AKAP19: variants seen among roughly 807,000 people sequenced by gnomAD.
The protein encoded by AKAP19 is A-kinase anchoring protein 19, also known as small A-kinase anchoring protein.
At chr2:190,109,734 AG>A in the AKAP19 span, among the ~76,000 whole-genome samples, 1 of 152,216 alleles carries the variant, frequency 6.6e-6, no homozygotes, top group Non-Finnish European at 1.5e-5. Flanking sequence ...TCCTTAAAAT[AG>A]TACTGTCCAT....
the AKAP19 span, among the ~76,000 whole-genome samples, chr2:190,160,454 G>GA: frequency 1.9e-4 from 29 of 152,098 alleles, 1 homozygote; most frequent in African/African-American, 6.5e-4. Flanking sequence ...TTGTTCTTAT[G>GA]AAAATTGCAT....
At chr2:189,895,116 G>T in the AKAP19 span, among the ~76,000 whole-genome samples, 1 of 151,964 alleles carries the variant, frequency 6.6e-6, no homozygotes, top group Non-Finnish European at 1.5e-5. Context: ...AATAAAATTA[G>T]ATCACAACCA....
the AKAP19 span, among the ~76,000 whole-genome samples, chr2:190,020,105 T>C: frequency 1.3e-5 from 2 of 152,228 alleles, no homozygotes; most frequent in East Asian, 3.8e-4. Flanking sequence ...TCTCACTCTA[T>C]GTCGACTGTT....
the AKAP19 span, among the ~76,000 whole-genome samples, chr2:189,965,484 C>A: frequency 6.6e-6 from 1 of 151,746 alleles, no homozygotes; most frequent in Non-Finnish European, 1.5e-5. Context: ...AAAAATGGAC[C>A]AAGTACATGA....
chr2:190,119,915 T>C, the AKAP19 span, among the ~76,000 whole-genome samples: 1 of 152,240 alleles, frequency 6.6e-6, no homozygotes, highest in Non-Finnish European at 1.5e-5. Flanking sequence ...ACTGAGGGAA[T>C]GTTGACATTG....
chr2:190,133,889 A>G, the AKAP19 span, among the ~76,000 whole-genome samples: 1 of 152,206 alleles, frequency 6.6e-6, no homozygotes, highest in South Asian at 2.1e-4. Context: ...AATTTCGGTT[A>G]TGAGAAATAA....
At chr2:189,946,342 G>T in the AKAP19 span, among the ~76,000 whole-genome samples, 1 of 152,186 alleles carries the variant, frequency 6.6e-6, no homozygotes. Flanking sequence ...CTGGGAGCAG[G>T]CTCATGCCTA....
the AKAP19 span, among the ~76,000 whole-genome samples, chr2:190,110,906 T>C: frequency 6.6e-6 from 1 of 152,216 alleles, no homozygotes; most frequent in Non-Finnish European, 1.5e-5. Flanking sequence ...TAGGGCGCTG[T>C]CATTGTAGGG....
chr2:189,991,383 G>A, the AKAP19 span, among the ~76,000 whole-genome samples: 1 of 152,022 alleles, frequency 6.6e-6, no homozygotes, highest in East Asian at 1.9e-4. Flanking sequence ...TTAAATTATA[G>A]TCATTCTTGC....
chr2:190,028,830 A>G, the AKAP19 span, among the ~76,000 whole-genome samples: 2 of 152,210 alleles, frequency 1.3e-5, no homozygotes, highest in African/African-American at 2.4e-5. Context: ...CAAAGATTCA[A>G]AATACTTGAT....
chr2:190,144,757 AC>A, the AKAP19 span, among the ~76,000 whole-genome samples: 1 of 152,128 alleles, frequency 6.6e-6, no homozygotes, highest in African/African-American at 2.4e-5. Context: ...TGGGCAGATC[AC>A]CTGAGGTCAG....
chr2:189,923,556 T>A, the AKAP19 span: 1 of 1,613,936 alleles, frequency 6.2e-7, no homozygotes, highest in East Asian at 2.2e-5. Flanking sequence ...GATGGCAGAA[T>A]GATTGCTGGC....
the AKAP19 span, among the ~76,000 whole-genome samples, chr2:189,958,335 T>G: frequency 6.6e-6 from 1 of 152,014 alleles, no homozygotes; most frequent in African/African-American, 2.4e-5. Flanking sequence ...CAAGTAAACT[T>G]AGCTGCTTGG....
chr2:190,059,837 A>C, the AKAP19 span, among the ~76,000 whole-genome samples: 1 of 151,896 alleles, frequency 6.6e-6, no homozygotes, highest in African/African-American at 2.4e-5. Context: ...AGTATGGTAT[A>C]ATTGTTTTCT....
chr2:190,180,589 G>A, the AKAP19 span: 1 of 985,848 alleles, frequency 1.0e-6, no homozygotes, highest in Non-Finnish European at 1.2e-6. This position sits in a 1 kb window ranked among gnomAD's most constrained non-coding sequence, Gnocchi z 6.8. Context: ...GGGGCGTGAG[G>A]GCGGTGGCCC....
the AKAP19 span, among the ~76,000 whole-genome samples, chr2:190,153,901 G>A: frequency 6.6e-6 from 1 of 151,968 alleles, no homozygotes; most frequent in Non-Finnish European, 1.5e-5. Context: ...TTATAGTCTG[G>A]AATTTTTCAT....
At chr2:190,116,800 C>A in the AKAP19 span, among the ~76,000 whole-genome samples, 1 of 152,170 alleles carries the variant, frequency 6.6e-6, no homozygotes, top group Non-Finnish European at 1.5e-5. Context: ...TATTCTTAAA[C>A]TCTTGTATGG....
At chr2:189,923,636 G>A in the AKAP19 span, 2 of 1,614,120 alleles carry the variant, frequency 1.2e-6, no homozygotes, top group Non-Finnish European at 1.7e-6. Flanking sequence ...GAAACGATCT[G>A]CAGCGGAGAT....
chr2:189,914,319 A>G, the AKAP19 span, among the ~76,000 whole-genome samples: 1 of 152,132 alleles, frequency 6.6e-6, no homozygotes, highest in Non-Finnish European at 1.5e-5. Flanking sequence ...AGTTATTTGA[A>G]TACTACAGAG....
Sources: allele counts gnomAD v4.1 joint callset (sites outside exome capture counted in the v4.1 genomes callset), GRCh38; gene constraint gnomAD v4.1.1; non-coding constraint Gnocchi (gnomAD v3.1); transcripts MANE v1.5; gene names NCBI Gene and HGNC (gene_info 2026-07-23, HGNC 2026-07-21).